PPP2R3A: variants seen among roughly 807,000 people sequenced by gnomAD.
PPP2R3A encodes protein phosphatase 2 regulatory subunit B''alpha.
A neutral mutation model predicts 106.9 loss-of-function variants in PPP2R3A; 80 were observed. The ratio of observed to expected loss-of-function variants is 0.75; its 90% CI spans 0.62 to 0.90. The LOEUF (loss-of-function observed/expected upper bound fraction) is 0.90, where lower values mean the gene tolerates loss of function less well. PPP2R3A is among the 40% of genes least tolerant of loss of function. The pLI is 0.00. For missense variants in PPP2R3A, 1,386 were observed against 1,350.4 expected, an observed-to-expected ratio of 1.03 and a Z score of -0.41; for synonymous variants, 483 against 468.3, an observed-to-expected ratio of 1.03 and a Z score of -0.41.
chr3:136,027,764 TTTTA>T (rs1485745109), intron 3 of PPP2R3A, among the ~76,000 whole-genome samples: 1 of 152,202 alleles, frequency 6.6e-6, no homozygotes, highest in Non-Finnish European at 1.5e-5. Flanking sequence ...TGGGCTTTAT[TTTTA>T]TTATGCATAA....
At chr3:135,976,728 T>C (rs1261850564) in intron 1 of PPP2R3A, among the ~76,000 whole-genome samples, 1 of 152,234 alleles carries the variant, frequency 6.6e-6, no homozygotes, top group African/African-American at 2.4e-5. Context: ...CTTTGCCTTA[T>C]ATGGCGTTTG....
intron 4 of PPP2R3A, among the ~76,000 whole-genome samples, chr3:136,043,052 A>G (rs1261967371): frequency 6.6e-6 from 1 of 152,172 alleles, no homozygotes; most frequent in African/African-American, 2.4e-5. Context: ...AAAATTGCTA[A>G]CAGGTAATTA....
At position 136,001,398 on chromosome 3, in the gene PPP2R3A, A is replaced by G. The variant is rs1933615313; in HGVS notation, c.-101A>G. On this transcript the variant is annotated 5_prime_UTR_variant, in exon 2 of 14. Transcript: ENST00000264977. Reference sequence around the variant, plus strand: ...TTATATTTGGAAGAAACCACTGAACATTGTTATTAAATATATTTTCAGCTA... The same window carrying G: ...TTATATTTGGAAGAAACCACTGAACGTTGTTATTAAATATATTTTCAGCTA... 3.0e-6 allele frequency: 3 copies of G among 1,015,134 alleles called. No individual in the cohort carries two copies. The highest frequency in any genetic ancestry group is 3.2e-5 in the African/African-American group (2 of 61,944). 62.9% of individuals were successfully genotyped at this position (1,015,134 alleles called of 1,614,324 possible).
At chr3:136,101,223 G>A (rs1442690644) in intron 10 of PPP2R3A, among the ~76,000 whole-genome samples, 3 of 152,012 alleles carry the variant, frequency 2.0e-5, no homozygotes, top group African/African-American at 7.3e-5. Flanking sequence ...AGAATTTGGG[G>A]GTTGAATTAG....
chr3:136,027,790 T>A (rs1317344191), intron 3 of PPP2R3A, among the ~76,000 whole-genome samples: 2 of 152,196 alleles, frequency 1.3e-5, no homozygotes, highest in East Asian at 3.9e-4. Context: ...TATTGAAGAG[T>A]CAGGTCACAC....
chr3:136,139,577 C>G (rs1938768301), intron 13 of PPP2R3A, among the ~76,000 whole-genome samples: 2 of 151,480 alleles, frequency 1.3e-5, no homozygotes, highest in Admixed American at 1.3e-4. Context: ...CCTGTAATCC[C>G]AACTACTCAC....
At chr3:136,133,890 C>CAA (rs34515503) in intron 13 of PPP2R3A, among the ~76,000 whole-genome samples, 30 of 55,382 alleles carry the variant, frequency 5.4e-4, no homozygotes, top group African/African-American at 1.2e-3. Flanking sequence ...AACTCCATCT[C>CAA]AAAAAAAAAA....
intron 5 of PPP2R3A, among the ~76,000 whole-genome samples, chr3:136,063,889 C>T (rs1366652848): frequency 6.7e-6 from 1 of 149,796 alleles, no homozygotes; most frequent in African/African-American, 2.5e-5. Flanking sequence ...ACTAGAAATA[C>T]CATTTGACCC....
intron 2 of PPP2R3A, 40 bp from the exon 3 acceptor site, chr3:136,026,792 T>C (rs1934674556): frequency 1.3e-6 from 2 of 1,533,332 alleles, no homozygotes; most frequent in Non-Finnish European, 1.8e-6. Flanking sequence ...ATGAATACTG[T>C]TTAAATTTTT....
intron 5 of PPP2R3A, among the ~76,000 whole-genome samples, chr3:136,053,226 A>T (rs1211974553): frequency 6.6e-6 from 1 of 152,214 alleles, no homozygotes; most frequent in Non-Finnish European, 1.5e-5. Flanking sequence ...TGTACCACAA[A>T]GCCCTGTGAC....
intron 1 of PPP2R3A, among the ~76,000 whole-genome samples, chr3:135,977,643 A>G (rs1200860933): frequency 6.9e-6 from 1 of 145,672 alleles, no homozygotes; most frequent in African/African-American, 2.5e-5. Flanking sequence ...TTATTTTAAG[A>G]TGCTCTTTAT....
intron 1 of PPP2R3A, among the ~76,000 whole-genome samples, chr3:135,983,986 TTA>T (rs1195824433): frequency 1.3e-5 from 2 of 152,224 alleles, no homozygotes; most frequent in African/African-American, 4.8e-5. Flanking sequence ...GTGTCACAGT[TTA>T]TTAGTTTTCA....
intron 5 of PPP2R3A, among the ~76,000 whole-genome samples, chr3:136,067,796 A>G (rs1204405618): frequency 6.6e-6 from 1 of 152,242 alleles, no homozygotes; most frequent in Non-Finnish European, 1.5e-5. Context: ...GGTTTCAAAT[A>G]CCATTTTCCA....
At chr3:135,974,045 C>T (rs966695536) in intron 1 of PPP2R3A, among the ~76,000 whole-genome samples, 39 of 152,162 alleles carry the variant, frequency 2.6e-4, no homozygotes, top group African/African-American at 8.9e-4. Context: ...CTCAGTCTTC[C>T]TCTTACTTGA....
At chr3:135,999,685 G>A (rs777646120) in intron 1 of PPP2R3A, among the ~76,000 whole-genome samples, 1 of 151,996 alleles carries the variant, frequency 6.6e-6, no homozygotes, top group South Asian at 2.1e-4. Flanking sequence ...TTTGTGATTC[G>A]TTCTTTTAAG....
chr3:136,133,824 A>G (rs1938508247), intron 13 of PPP2R3A, among the ~76,000 whole-genome samples: 2 of 149,388 alleles, frequency 1.3e-5, no homozygotes, highest in South Asian at 2.1e-4. Context: ...ACATTCCACC[A>G]TATGATGGTG....
intron 13 of PPP2R3A, among the ~76,000 whole-genome samples, chr3:136,116,484 T>C (rs569120605): frequency 8.5e-5 from 13 of 152,284 alleles, no homozygotes; most frequent in African/African-American, 2.9e-4. Flanking sequence ...GTATGCTGTA[T>C]TCAGGAGACC....
chr3:136,027,204 T>G, intron 3 of PPP2R3A, 106 bp downstream of exon 3: 1 of 1,056,424 alleles, frequency 9.5e-7, no homozygotes, highest in Non-Finnish European at 1.3e-6. Context: ...GCCTCTTTGC[T>G]CTGTTTTTAA....
intron 13 of PPP2R3A, among the ~76,000 whole-genome samples, chr3:136,144,673 G>A (rs1349027731): frequency 1.3e-5 from 2 of 148,420 alleles, no homozygotes; most frequent in Non-Finnish European, 3.0e-5. Flanking sequence ...AAAAAAAAAA[G>A]GTTTGCCACT....
Sources: allele counts gnomAD v4.1 joint callset (sites outside exome capture counted in the v4.1 genomes callset), GRCh38; gene constraint gnomAD v4.1.1; transcripts MANE v1.5; gene names NCBI Gene and HGNC (gene_info 2026-07-23, HGNC 2026-07-21).